The following KIF16B variants were observed in gnomAD, a reference collection of about 807,000 sequenced individuals.
KIF16B encodes kinesin-like protein KIF16B.
A neutral mutation model predicts 156.3 loss-of-function variants in KIF16B; 98 were observed. The observed-to-expected ratio is 0.63, with a 90% CI of 0.53 to 0.74. KIF16B has a LOEUF of 0.74. KIF16B is among the 30% of genes least tolerant of loss of function. The probability of loss-of-function intolerance (pLI) is 0.00; values close to 1 mark genes in which losing one functional copy is unlikely to be tolerated. For missense variants in KIF16B, 1,421 were observed against 1,606.5 expected (o/e 0.88, Z 1.97); for synonymous variants, 564 against 583.7 (o/e 0.97, Z 0.49).
chr20:16,549,690 C>T (rs1383689477), intron 1 of KIF16B, among the ~76,000 whole-genome samples: 3 of 147,476 alleles, frequency 2.0e-5, no homozygotes, highest in Non-Finnish European at 3.0e-5. Flanking sequence ...AGAAATAACG[C>T]CGCATACCTA....
chr20:16,304,156 T>A (rs1010644718), intron 25 of KIF16B, among the ~76,000 whole-genome samples: 3 of 152,218 alleles, frequency 2.0e-5, no homozygotes, highest in African/African-American at 7.2e-5. Flanking sequence ...TCCCCTAGAC[T>A]TCCATCTGAG....
intron 12 of KIF16B, among the ~76,000 whole-genome samples, chr20:16,458,647 A>G (rs2067271585): frequency 6.6e-6 from 1 of 152,164 alleles, no homozygotes; most frequent in South Asian, 2.1e-4. Context: ...ACATAGGACT[A>G]CTATCACATG....
At chr20:16,371,831 T>G in intron 20 of KIF16B, 70 bp from the exon 21 acceptor site, 1 of 1,035,076 alleles carries the variant, frequency 9.7e-7, no homozygotes, top group South Asian at 1.3e-5. Context: ...ATCCTCTCTT[T>G]ACTACGCCCT....
chr20:16,535,882 T>C (rs1041505072), intron 1 of KIF16B, among the ~76,000 whole-genome samples: 2 of 152,200 alleles, frequency 1.3e-5, no homozygotes, highest in African/African-American at 4.8e-5. Context: ...AGAACTCTTA[T>C]ACACTGTTGG....
intron 23 of KIF16B, among the ~76,000 whole-genome samples, chr20:16,344,251 C>G (rs2064191050): frequency 6.6e-6 from 1 of 152,204 alleles, no homozygotes; most frequent in East Asian, 1.9e-4. Flanking sequence ...GCAAATGGTA[C>G]TAAGCCAGAA....
chr20:16,409,287 G>A (rs550756389), intron 15 of KIF16B, among the ~76,000 whole-genome samples: 5 of 152,160 alleles, frequency 3.3e-5, no homozygotes, highest in South Asian at 2.1e-4. Context: ...GGAGGAAGAT[G>A]CCACCAAGAA....
chr20:16,504,221 G>A, intron 10 of KIF16B, 151 bp downstream of exon 10: 3 of 719,118 alleles, frequency 4.2e-6, no homozygotes, highest in East Asian at 2.6e-5. Context: ...AGAGGTTGAT[G>A]TAAACGAGGG....
At chr20:16,354,864 T>C in intron 23 of KIF16B, among the ~76,000 whole-genome samples, 1 of 152,010 alleles carries the variant, frequency 6.6e-6, no homozygotes. Context: ...GAGAATCTCT[T>C]GAACCCGGGA....
In KIF16B at chr20:16,283,538, G is replaced by A. The variant is rs1222148174; in HGVS notation, c.3796-10127C>T. 5.3e-5 allele frequency among the ~76,000 whole-genome samples: 8 copies of A among 152,288 alleles called. No individual in the cohort carries two copies. The East Asian group carries it at 1.5e-3, about 29-fold the overall frequency. Reference sequence around the variant, plus strand: ...GCTGAGTGCCAGGAAAACAGGCAGTGAGCCCGCCAGGTCTCCATGGATCAC... The same window carrying A: ...GCTGAGTGCCAGGAAAACAGGCAGTAAGCCCGCCAGGTCTCCATGGATCAC... On this transcript the variant is annotated intron_variant, in intron 25 of 25. Coordinates refer to ENST00000354981, the MANE Select transcript of KIF16B (RefSeq NM_024704.5).
intron 20 of KIF16B, 54 bp downstream of exon 20, chr20:16,374,203 G>A (rs905273735): frequency 2.8e-6 from 4 of 1,429,460 alleles, no homozygotes; most frequent in Non-Finnish European, 3.7e-6. Flanking sequence ...GAGAAACAAT[G>A]AGTCCTTGAG....
At chr20:16,427,738 G>A (rs1009482158) in intron 14 of KIF16B, among the ~76,000 whole-genome samples, 1 of 152,074 alleles carries the variant, frequency 6.6e-6, no homozygotes, top group African/African-American at 2.4e-5. Context: ...ATCTTGAAAA[G>A]CCCAAGAGGC....
In KIF16B at chr20:16,551,132, C is replaced by CT. The variant is rs11474777; in HGVS notation, c.47+22096dup. Among the ~76,000 whole-genome samples, 566 of 139,102 alleles carry CT rather than the reference C, an allele frequency of 4.1e-3. 6 individuals are homozygous for CT. The highest frequency in any genetic ancestry group is 0.011 in the African/African-American group (430 of 37,958). The allele number at this position is 139,102 out of a possible 152,430, so 91.3% of individuals were successfully genotyped here. A position where few individuals can be genotyped will look rare whatever the true frequency, so the allele number is the denominator to read the frequency against. ...AACCACCAGTGAGGGGCTTTCTCTT[C>CT]TTTTTTTTTTTTTTTTGAGATGCAG... On this transcript the variant is annotated intron_variant, in intron 1 of 25. Coordinates refer to ENST00000354981, the MANE Select transcript of KIF16B (RefSeq NM_024704.5).
In KIF16B at chr20:16,356,164, T is replaced by C. The variant is rs182717453; in HGVS notation, c.3621+166A>G. The stretch of plus-strand genomic sequence containing the variant: ...CTATGAGGTACCTTCCTTCCATGTG[T>C]TACAGTCAAGAGTTTTACAGACTGG... On this transcript the variant is annotated intron_variant, in intron 23 of 25. Coordinates refer to ENST00000354981, the MANE Select transcript of KIF16B (RefSeq NM_024704.5). Among the ~76,000 whole-genome samples, 9 of 152,358 alleles carry C rather than the reference T, an allele frequency of 5.9e-5. No homozygotes were observed. In the South Asian group the frequency reaches 6.2e-4, roughly 11 times the overall value.
intron 1 of KIF16B, among the ~76,000 whole-genome samples, chr20:16,544,395 A>C (rs756084480): frequency 6.6e-6 from 1 of 152,080 alleles, no homozygotes; most frequent in Non-Finnish European, 1.5e-5. Flanking sequence ...GAATGATTGG[A>C]GGTCAAGAAT....
intron 15 of KIF16B, among the ~76,000 whole-genome samples, chr20:16,411,636 C>T (rs565613730): frequency 6.6e-6 from 1 of 152,090 alleles, no homozygotes; most frequent in Admixed American, 6.5e-5. Context: ...CGCAGGGTAT[C>T]ATGGGGAACA....
intron 15 of KIF16B, among the ~76,000 whole-genome samples, chr20:16,420,716 T>C (rs1374540120): frequency 2.6e-5 from 4 of 152,124 alleles, no homozygotes; most frequent in African/African-American, 9.7e-5. Context: ...GTTTGTTTGT[T>C]TGTTTTTTGA....
chr20:16,548,385 A>T lies in KIF16B; in HGVS notation c.48-19945T>A, dbSNP rs564765795. On this transcript the variant is annotated intron_variant, in intron 1 of 25. Coordinates refer to ENST00000354981, the MANE Select transcript of KIF16B (RefSeq NM_024704.5). ...CTTTCAGAGCTGTATCTTGTAGAAC[A>T]GGCATCCCAAAGCCCCAGGTCATGA... Among the ~76,000 whole-genome samples, 4 of 152,348 alleles carry T rather than the reference A, an allele frequency of 2.6e-5. No individual in the cohort carries two copies. In the East Asian group the frequency reaches 7.7e-4, roughly 29 times the overall value.
At chr20:16,367,899 A>T (rs764145266) in intron 22 of KIF16B, 50 of 1,488,438 alleles carry the variant, frequency 3.4e-5, no homozygotes, top group Non-Finnish European at 4.4e-5. Context: ...GGAATCGAAC[A>T]CTCTGTCCAC....
intron 12 of KIF16B, among the ~76,000 whole-genome samples, chr20:16,456,021 G>C (rs1452750708): frequency 1.3e-5 from 2 of 151,832 alleles, no homozygotes; most frequent in Non-Finnish European, 2.9e-5. Flanking sequence ...TGCTTTCTAG[G>C]GCGTTTCTTA....
Sources: allele counts gnomAD v4.1 joint callset (sites outside exome capture counted in the v4.1 genomes callset), GRCh38; gene constraint gnomAD v4.1.1; transcripts MANE v1.5; gene names NCBI Gene and HGNC (gene_info 2026-07-23, HGNC 2026-07-21).